The following ATRNL1 variants were observed in gnomAD, a reference collection of about 807,000 sequenced individuals.
ATRNL1 encodes the protein attractin like 1, also known as attractin-like protein 1.
In ATRNL1, 95 loss-of-function variants were observed where a neutral mutation model predicts 182.7. That is an observed-to-expected ratio of 0.52 (90% CI 0.44 to 0.62). ATRNL1 has a LOEUF of 0.62. Ranked by LOEUF, ATRNL1 falls within the 20% of genes least tolerant of loss-of-function variation. The probability of loss-of-function intolerance (pLI) is 0.00; values close to 1 mark genes in which losing one functional copy is unlikely to be tolerated. For missense variants in ATRNL1, 1,471 were observed against 1,679.5 expected, an observed-to-expected ratio of 0.88 and a Z score of 2.17; for synonymous variants, 576 against 568.3, an observed-to-expected ratio of 1.01 and a Z score of -0.19.
At chr10:115,135,637 C>T (rs1554876448) in intron 5 of ATRNL1, among the ~76,000 whole-genome samples, 1 of 152,302 alleles carries the variant, frequency 6.6e-6, no homozygotes, top group East Asian at 1.9e-4. Context: ...TCAGTGCCAT[C>T]CCCATGAAGC....
intron 27 of ATRNL1, among the ~76,000 whole-genome samples, chr10:115,759,678 CTTT>C (rs1230731055): frequency 7.2e-5 from 10 of 138,868 alleles, no homozygotes; most frequent in African/African-American, 2.4e-4. Flanking sequence ...GTAAATAAAA[CTTT>C]TTTTTTTTTT....
chr10:115,622,655 G>T (rs782206969), intron 26 of ATRNL1, among the ~76,000 whole-genome samples: 1 of 135,118 alleles, frequency 7.4e-6, no homozygotes, highest in African/African-American at 2.6e-5. Flanking sequence ...GGCGGGGCGC[G>T]GTGGCTCACG....
chr10:115,594,239 T>C (rs1285897770), intron 26 of ATRNL1, among the ~76,000 whole-genome samples: 1 of 152,164 alleles, frequency 6.6e-6, no homozygotes, highest in African/African-American at 2.4e-5. Context: ...ATGCATGATA[T>C]CATATGTGAA....
intron 27 of ATRNL1, among the ~76,000 whole-genome samples, chr10:115,802,807 G>T (rs1256472076): frequency 6.6e-6 from 1 of 152,102 alleles, no homozygotes; most frequent in Middle Eastern, 3.2e-3. Flanking sequence ...CCATAAATCA[G>T]CAAATCAGAT....
intron 24 of ATRNL1, among the ~76,000 whole-genome samples, chr10:115,497,578 C>T (rs1239046627): frequency 2.6e-5 from 4 of 151,666 alleles, no homozygotes; most frequent in Admixed American, 2.0e-4. Flanking sequence ...TCACCACTCT[C>T]TTCTCTCCAT....
intron 27 of ATRNL1, among the ~76,000 whole-genome samples, chr10:115,837,543 A>C (rs1377352008): frequency 1.4e-5 from 2 of 147,254 alleles, no homozygotes; most frequent in East Asian, 3.9e-4. Flanking sequence ...CACCCTTAGG[A>C]GGCATTTCTA....
chr10:115,121,259 C>T (rs1844717367), intron 2 of ATRNL1, among the ~76,000 whole-genome samples: 1 of 152,082 alleles, frequency 6.6e-6, no homozygotes, highest in Non-Finnish European at 1.5e-5. Context: ...ACTAGAGGTG[C>T]ATGCCGCCAT....
intron 21 of ATRNL1, among the ~76,000 whole-genome samples, chr10:115,449,572 A>C (rs1472282935): frequency 6.6e-6 from 1 of 152,144 alleles, no homozygotes; most frequent in East Asian, 1.9e-4. Flanking sequence ...ACACTGTAAC[A>C]CATGCCCTCT....
intron 8 of ATRNL1, among the ~76,000 whole-genome samples, chr10:115,186,227 T>A (rs1472701167): frequency 1.3e-5 from 2 of 151,990 alleles, no homozygotes; most frequent in Non-Finnish European, 2.9e-5. Flanking sequence ...GGCGAGGATG[T>A]GGAGAAAAGG....
Position 115,246,693 on chromosome 10 carries a change from T to C in ATRNL1, c.1687+4968T>C, listed in dbSNP as rs1253103313. Among the ~76,000 whole-genome samples, 22 of 120,884 alleles carry C rather than the reference T, an allele frequency of 1.8e-4. 7 individuals are homozygous for C. The highest frequency in any genetic ancestry group is 3.1e-4 in the Admixed American group (4 of 13,062). 79.3% of individuals were successfully genotyped at this position (120,884 alleles called of 152,430 possible). On this transcript the variant is annotated intron_variant, in intron 10 of 28. Coordinates refer to ENST00000355044, the MANE Select transcript of ATRNL1 (RefSeq NM_207303.4). Reference sequence around the variant, plus strand: ...CTCCTGCCTCAGCCTCCCGAGTAGCTGGGACTACAGGCGCCCGCCACCGCG... The same window carrying C: ...CTCCTGCCTCAGCCTCCCGAGTAGCCGGGACTACAGGCGCCCGCCACCGCG...
At chr10:115,364,044 A>G (rs1275273502) in intron 19 of ATRNL1, among the ~76,000 whole-genome samples, 1 of 151,090 alleles carries the variant, frequency 6.6e-6, no homozygotes, top group African/African-American at 2.4e-5. Flanking sequence ...AGTTTTTTCC[A>G]ATTCTGTGAA....
intron 27 of ATRNL1, among the ~76,000 whole-genome samples, chr10:115,742,158 G>A (rs1053777680): frequency 6.6e-6 from 1 of 152,126 alleles, no homozygotes; most frequent in Non-Finnish European, 1.5e-5. Flanking sequence ...AAGGATAGAT[G>A]ACCCATTTTG....
At chr10:115,829,619 T>C (rs897026833) in intron 27 of ATRNL1, among the ~76,000 whole-genome samples, 1 of 152,142 alleles carries the variant, frequency 6.6e-6, no homozygotes, top group South Asian at 2.1e-4. Flanking sequence ...CATATACTTT[T>C]AAGCCAAAAA....
chr10:115,699,262 A>G (rs180673243), intron 26 of ATRNL1, among the ~76,000 whole-genome samples: 120 of 152,164 alleles, frequency 7.9e-4, no homozygotes, highest in African/African-American at 2.8e-3. Context: ...CCATTGCAAC[A>G]TGTTTTTATA....
At chr10:115,234,635 T>A (rs1472027432) in intron 9 of ATRNL1, among the ~76,000 whole-genome samples, 1 of 149,728 alleles carries the variant, frequency 6.7e-6, no homozygotes, top group African/African-American at 2.5e-5. Flanking sequence ...CTGTTGCCCA[T>A]GCTTGAGAGC....
chr10:115,672,340 G>A (rs547392358), intron 26 of ATRNL1, among the ~76,000 whole-genome samples: 1 of 152,164 alleles, frequency 6.6e-6, no homozygotes, highest in African/African-American at 2.4e-5. Context: ...GGTTGCCTCC[G>A]AAGCCTATTC....
At chr10:115,587,531 A>G (rs140362260) in intron 26 of ATRNL1, among the ~76,000 whole-genome samples, 68,401 of 146,086 alleles carry the variant, frequency 0.47, 17,979 homozygotes, top group East Asian at 0.84. Flanking sequence ...TCCAGGTGCC[A>G]TCTGTCACCC....
intron 19 of ATRNL1, among the ~76,000 whole-genome samples, chr10:115,370,266 C>T (rs1053393324): frequency 1.1e-4 from 16 of 152,174 alleles, no homozygotes; most frequent in African/African-American, 3.9e-4. Flanking sequence ...TAAATTAGTA[C>T]CAGTAGAGTG....
intron 19 of ATRNL1, among the ~76,000 whole-genome samples, chr10:115,372,397 T>G (rs931336043): frequency 1.3e-4 from 20 of 152,180 alleles, no homozygotes; most frequent in African/African-American, 4.8e-4. Context: ...ATATTTTTTT[T>G]GTCTATTTTT....
Sources: allele counts gnomAD v4.1 joint callset (sites outside exome capture counted in the v4.1 genomes callset), GRCh38; gene constraint gnomAD v4.1.1; transcripts MANE v1.5; gene names NCBI Gene and HGNC (gene_info 2026-07-23, HGNC 2026-07-21).